Variants in OMA1 observed in about 807,000 individuals in gnomAD.
OMA1 encodes OMA1 zinc metallopeptidase.
OMA1 carries 38 observed loss-of-function variants against 30.9 expected under a neutral mutation model. The ratio of observed to expected loss-of-function variants is 1.23; its 90% CI spans 0.95 to 1.61. OMA1 has a LOEUF of 1.61. OMA1 is among the 40% of genes most tolerant of loss of function. OMA1 has a pLI of 0.00. For missense variants in OMA1, 461 were observed against 349.2 expected (o/e 1.32, Z -2.55); for synonymous variants, 173 against 121.9 (o/e 1.42, Z -2.76).
chr1:58,532,374 A>T (rs914934382), intron 5 of OMA1, among the ~76,000 whole-genome samples: 13 of 152,224 alleles, frequency 8.5e-5, no homozygotes, highest in Non-Finnish European at 1.5e-5. Context: ...TGCCTAAAAA[A>T]CAAATGTACT....
chr1:58,504,222 C>G (rs1400522354), intron 8 of OMA1, among the ~76,000 whole-genome samples: 1 of 152,226 alleles, frequency 6.6e-6, no homozygotes, highest in African/African-American at 2.4e-5. Flanking sequence ...GAAGATCCTG[C>G]GTGGTCTGGT....
chr1:58,510,810 T>C (rs1454731854), intron 7 of OMA1, among the ~76,000 whole-genome samples: 1 of 151,982 alleles, frequency 6.6e-6, no homozygotes, highest in Non-Finnish European at 1.5e-5. Flanking sequence ...CAAAAGTCAG[T>C]TATGTTCTAC....
At chr1:58,485,879 T>TA (rs1645568617) in intron 8 of OMA1, among the ~76,000 whole-genome samples, 1 of 152,162 alleles carries the variant, frequency 6.6e-6, no homozygotes, top group South Asian at 2.1e-4. Flanking sequence ...ATCATTATGA[T>TA]AAATGTCATA....
intron 8 of OMA1, among the ~76,000 whole-genome samples, chr1:58,490,605 C>T (rs1645664041): frequency 6.6e-6 from 1 of 151,910 alleles, no homozygotes; most frequent in Non-Finnish European, 1.5e-5. Flanking sequence ...CACAAAGATA[C>T]TCCTCGAGAA....
intron 8 of OMA1, among the ~76,000 whole-genome samples, chr1:58,493,635 A>C (rs1645740909): frequency 6.6e-6 from 1 of 151,820 alleles, no homozygotes; most frequent in Admixed American, 6.5e-5. Flanking sequence ...AGACAAACAG[A>C]GAGCCAAATC....
At chr1:58,507,766 C>T (rs1021271560) in intron 7 of OMA1, among the ~76,000 whole-genome samples, 1 of 151,926 alleles carries the variant, frequency 6.6e-6, no homozygotes, top group Non-Finnish European at 1.5e-5. Context: ...ATTAGAAACA[C>T]CCAGAGGACT....
At chr1:58,510,717 C>T (rs924994107) in intron 7 of OMA1, among the ~76,000 whole-genome samples, 1 of 151,732 alleles carries the variant, frequency 6.6e-6, no homozygotes, top group Non-Finnish European at 1.5e-5. Flanking sequence ...AAGTAGAAAA[C>T]TAAAGACTCC....
At chr1:58,511,622 C>T (rs1009212284) in intron 7 of OMA1, among the ~76,000 whole-genome samples, 3 of 152,050 alleles carry the variant, frequency 2.0e-5, no homozygotes, top group African/African-American at 7.2e-5. Flanking sequence ...GAGCAAGACC[C>T]TGTCTCAAAA....
chr1:58,502,292 T>C (rs1645919472), intron 8 of OMA1, among the ~76,000 whole-genome samples: 1 of 152,250 alleles, frequency 6.6e-6, no homozygotes, highest in African/African-American at 2.4e-5. Context: ...TGATTTCCTA[T>C]GAATCTGATC....
chr1:58,536,987 A>C (rs952399575), intron 2 of OMA1, among the ~76,000 whole-genome samples: 2 of 152,168 alleles, frequency 1.3e-5, no homozygotes, highest in African/African-American at 2.4e-5. Flanking sequence ...TATTTTAAGG[A>C]TAAACACTAA....
At chr1:58,494,292 T>C (rs979744763) in intron 8 of OMA1, among the ~76,000 whole-genome samples, 25 of 152,162 alleles carry the variant, frequency 1.6e-4, no homozygotes, top group Non-Finnish European at 2.9e-5. Flanking sequence ...GACTTAAATG[T>C]TAGACCTAAA....
intron 7 of OMA1, among the ~76,000 whole-genome samples, chr1:58,515,492 C>T (rs1646145816): frequency 6.6e-6 from 1 of 152,102 alleles, no homozygotes. Flanking sequence ...TAAGACTCAA[C>T]AGCTGAAATC....
intron 7 of OMA1, among the ~76,000 whole-genome samples, chr1:58,522,701 C>G (rs1190764116): frequency 6.6e-6 from 1 of 152,072 alleles, no homozygotes; most frequent in Non-Finnish European, 1.5e-5. Flanking sequence ...TTGACCTTGC[C>G]AGTAACACAG....
At chr1:58,512,276 A>T (rs1198447993) in intron 7 of OMA1, among the ~76,000 whole-genome samples, 1 of 152,224 alleles carries the variant, frequency 6.6e-6, no homozygotes, top group Non-Finnish European at 1.5e-5. Flanking sequence ...ATGTGAAGAA[A>T]CTGGAACTCT....
chr1:58,540,562 A>C (rs187889628), intron 1 of OMA1, among the ~76,000 whole-genome samples: 154 of 151,174 alleles, frequency 1.0e-3, no homozygotes, highest in African/African-American at 3.7e-3. Context: ...TAAAAGACCT[A>C]AACTTTTAGA....
chr1:58,488,099 T>C (rs1364176507), intron 8 of OMA1, among the ~76,000 whole-genome samples: 2 of 152,188 alleles, frequency 1.3e-5, no homozygotes, highest in Non-Finnish European at 2.9e-5. Flanking sequence ...ACATTTAAAC[T>C]GATAAAGTTT....
chr1:58,529,998 A>G (rs1453681407), intron 6 of OMA1, among the ~76,000 whole-genome samples: 1 of 151,906 alleles, frequency 6.6e-6, no homozygotes, highest in Non-Finnish European at 1.5e-5. Context: ...CTCCTGCCTC[A>G]GCCTCCCAAG....
chr1:58,481,305 G>T (rs567219609), intron 8 of OMA1, 131 bp from the exon 9 acceptor site: 270 of 399,934 alleles, frequency 6.8e-4, no homozygotes, highest in Non-Finnish European at 7.3e-4. Flanking sequence ...AAGGTATCTT[G>T]ATTATAACAC....
At chr1:58,523,354 A>G (rs1297829110) in intron 7 of OMA1, among the ~76,000 whole-genome samples, 2 of 152,124 alleles carry the variant, frequency 1.3e-5, no homozygotes, top group Non-Finnish European at 2.9e-5. Context: ...GGCTTTTTCT[A>G]TAACAATGAT....
Sources: allele counts gnomAD v4.1 joint callset (sites outside exome capture counted in the v4.1 genomes callset), GRCh38; gene constraint gnomAD v4.1.1; transcripts MANE v1.5; gene names NCBI Gene and HGNC (gene_info 2026-07-23, HGNC 2026-07-21).